The following NEMF variants were observed in gnomAD, a reference collection of about 807,000 sequenced individuals.
NEMF encodes nuclear export mediator factor.
Under a neutral mutation model 162.2 loss-of-function variants are expected in NEMF, and 89 were observed. That is an observed-to-expected ratio of 0.55 (90% CI 0.46 to 0.65). The LOEUF is 0.65. Among genes scored for constraint, NEMF ranks in the 30% least tolerant of loss-of-function variants. The pLI is 0.00. For synonymous variants in NEMF, 421 were observed against 404.5 expected (o/e 1.04, Z -0.49); for missense variants, 1,133 against 1,261.9 (o/e 0.90, Z 1.55).
chr14:49,845,768 G>A (rs563338871), intron 4 of NEMF, among the ~76,000 whole-genome samples: 72 of 152,286 alleles, frequency 4.7e-4, no homozygotes, highest in African/African-American at 1.7e-3. Context: ...CAGGACCAAC[G>A]TTTATATGCA....
chr14:49,836,321 T>G (rs1243598614), intron 6 of NEMF, among the ~76,000 whole-genome samples: 1 of 151,948 alleles, frequency 6.6e-6, no homozygotes, highest in Non-Finnish European at 1.5e-5. Flanking sequence ...CTATGAGGCT[T>G]TTTTCATAGA....
intron 18 of NEMF, among the ~76,000 whole-genome samples, chr14:49,810,305 T>C (rs909060000): frequency 4.0e-5 from 6 of 150,600 alleles, no homozygotes; most frequent in Non-Finnish European, 7.4e-5. Context: ...GAGGCAGAGC[T>C]TGCATGAGCC....
chr14:49,796,647 G>A (rs925151356), intron 25 of NEMF, among the ~76,000 whole-genome samples: 1 of 152,078 alleles, frequency 6.6e-6, no homozygotes, highest in Non-Finnish European at 1.5e-5. Context: ...CACCACATCC[G>A]GCCATTAACT....
chr14:49,845,113 G>A (rs1199197427), intron 4 of NEMF, among the ~76,000 whole-genome samples: 1 of 147,150 alleles, frequency 6.8e-6, no homozygotes, highest in African/African-American at 2.6e-5. Flanking sequence ...TTATTTTTGA[G>A]ACAAAGTCTT....
At chr14:49,812,324 AG>A (rs1327396153) in intron 18 of NEMF, among the ~76,000 whole-genome samples, 4 of 152,064 alleles carry the variant, frequency 2.6e-5, no homozygotes, top group Admixed American at 2.6e-4. Flanking sequence ...AGTCTAGCCA[AG>A]GGTTTATCAA....
At chr14:49,817,654 C>T (rs977820163) in intron 16 of NEMF, among the ~76,000 whole-genome samples, 2 of 152,114 alleles carry the variant, frequency 1.3e-5, no homozygotes, top group African/African-American at 4.8e-5. Context: ...AAAGCAAAAA[C>T]TGGCAGAAGT....
intron 22 of NEMF, chr14:49,801,306 G>A (rs965026199): frequency 6.6e-6 from 1 of 152,088 alleles, no homozygotes; most frequent in African/African-American, 2.4e-5. Context: ...TGGCCAAGAT[G>A]GTGAAACCCC....
At position 49,813,972 on chromosome 14, in the gene NEMF, G is replaced by C; in HGVS notation, c.1744+16C>G. On this transcript the variant is annotated intron_variant, in intron 18 of 32. Transcript: ENST00000298310. ...AAGAAAGGAACAGGAATTCTGAATAGAAAGAAATATATTACCTGTTGGATT... is the reference window on the plus strand; with the variant it reads ...AAGAAAGGAACAGGAATTCTGAATACAAAGAAATATATTACCTGTTGGATT... 1 of 1,411,222 alleles carries C rather than the reference G, an allele frequency of 7.1e-7. No homozygotes were observed. The highest frequency in any genetic ancestry group is 1.2e-5 in the South Asian group (1 of 86,014). The allele number at this position is 1,411,222 out of a possible 1,614,324, so 87.4% of individuals were successfully genotyped here.
rs759603786 is a variant in NEMF, at chr14:49,828,248, C to T, written c.1488+43G>A. ...AAATAATTATGTCCATTAAATTACG[C>T]AGGCACAAACAACTAACATTCACTC... On this transcript the variant is annotated intron_variant, in intron 15 of 32. Coordinates refer to ENST00000298310, the MANE Select transcript of NEMF (RefSeq NM_004713.6). The T allele has an allele frequency of 4.8e-6, 6 of 1,256,412 alleles. No individual in the cohort carries two copies. In the South Asian group the frequency reaches 4.8e-5, roughly 10 times the overall value. 77.8% of individuals were successfully genotyped at this position (1,256,412 alleles called of 1,614,324 possible).
At chr14:49,841,065 C>T (rs946171827) in intron 4 of NEMF, among the ~76,000 whole-genome samples, 199 bp from the exon 5 acceptor site, 7 of 151,382 alleles carry the variant, frequency 4.6e-5, no homozygotes, top group African/African-American at 1.7e-4. Flanking sequence ...GGTATGGTGG[C>T]GGGTGCCTAT....
At chr14:49,838,992 T>C (rs1489206277) in intron 5 of NEMF, among the ~76,000 whole-genome samples, 1 of 152,084 alleles carries the variant, frequency 6.6e-6, no homozygotes, top group African/African-American at 2.4e-5. Context: ...CTAGACTAGA[T>C]CTACTGAATT....
At chr14:49,810,002 G>A (rs1344959575) in intron 18 of NEMF, among the ~76,000 whole-genome samples, 1 of 151,948 alleles carries the variant, frequency 6.6e-6, no homozygotes. Flanking sequence ...ATGCAGCAGG[G>A]GGTATGAGGG....
chr14:49,799,207 CAAAA>C (rs780442972), intron 25 of NEMF, among the ~76,000 whole-genome samples: 43 of 59,062 alleles, frequency 7.3e-4, no homozygotes, highest in African/African-American at 2.0e-3. Context: ...GACCCTGTTT[CAAAA>C]AAAAAAAAAA....
chr14:49,820,807 A>G (rs1237636707), intron 16 of NEMF, among the ~76,000 whole-genome samples: 1 of 151,668 alleles, frequency 6.6e-6, no homozygotes, highest in Non-Finnish European at 1.5e-5. Flanking sequence ...TTTGGTGGAG[A>G]TGGGGTTTCG....
chr14:49,844,348 G>T (rs545126596), intron 4 of NEMF, among the ~76,000 whole-genome samples: 1 of 152,284 alleles, frequency 6.6e-6, no homozygotes, highest in South Asian at 2.1e-4. Flanking sequence ...CCACTGATCT[G>T]ACAGGAGGCA....
intron 22 of NEMF, 182 bp from the exon 23 acceptor site, chr14:49,800,878 T>C: frequency 7.0e-6 from 4 of 570,638 alleles, no homozygotes. Context: ...CATGAATAGG[T>C]TGAACTAAAT....
chr14:49,831,533 G>A (rs1892639535), intron 10 of NEMF, among the ~76,000 whole-genome samples, 172 bp from the exon 11 acceptor site: 1 of 151,938 alleles, frequency 6.6e-6, no homozygotes, highest in Non-Finnish European at 1.5e-5. Flanking sequence ...CACCTCCGAG[G>A]TTCAAGTGAT....
chr14:49,802,042 C>T (rs1890979368), intron 22 of NEMF, among the ~76,000 whole-genome samples: 1 of 151,240 alleles, frequency 6.6e-6, no homozygotes, highest in African/African-American at 2.4e-5. Flanking sequence ...ACTGTAACCT[C>T]TGCCTCCCAG....
chr14:49,804,353 CAG>C (rs781084959), intron 19 of NEMF, among the ~76,000 whole-genome samples: 1 of 151,954 alleles, frequency 6.6e-6, no homozygotes, highest in African/African-American at 2.4e-5. Flanking sequence ...TTTGGCAAAA[CAG>C]AAAGTGAGTA....
Sources: gnomAD v4.1 joint callset for allele counts (sites outside exome capture counted in the v4.1 genomes callset) on GRCh38, gnomAD v4.1.1 for gene constraint, MANE v1.5 for transcripts, NCBI Gene and HGNC (gene_info 2026-07-23, HGNC 2026-07-21) for gene names.